The following ARHGAP40 variants were observed in gnomAD, a reference collection of about 807,000 sequenced individuals.
ARHGAP40 encodes the protein rho GTPase-activating protein 40.
Under a neutral mutation model 73.5 loss-of-function variants are expected in ARHGAP40, and 43 were observed. The observed-to-expected ratio is 0.58, with a 90% CI of 0.46 to 0.75. ARHGAP40 has a LOEUF of 0.75. ARHGAP40 is among the 30% of genes least tolerant of loss of function. The probability of loss-of-function intolerance (pLI) is 0.00; values close to 1 mark genes in which losing one functional copy is unlikely to be tolerated. For synonymous variants in ARHGAP40, 300 were observed against 352.8 expected (o/e 0.85, Z 1.68); for missense variants, 734 against 861.8 (o/e 0.85, Z 1.86).
intron 1 of ARHGAP40, among the ~76,000 whole-genome samples, chr20:38,605,365 A>G (rs897860469): frequency 6.6e-6 from 1 of 152,300 alleles, no homozygotes; most frequent in East Asian, 1.9e-4. Context: ...CTACCACATA[A>G]TACACTAAAT....
chr20:38,633,781 G>C (rs889806060), intron 5 of ARHGAP40, among the ~76,000 whole-genome samples: 1 of 152,202 alleles, frequency 6.6e-6, no homozygotes, highest in African/African-American at 2.4e-5. Context: ...GGAAAGCCTG[G>C]AGCTGCCTGC....
intron 1 of ARHGAP40, among the ~76,000 whole-genome samples, chr20:38,621,515 T>C (rs2088873497): frequency 6.6e-6 from 1 of 152,162 alleles, no homozygotes; most frequent in African/African-American, 2.4e-5. Context: ...GTGGAGGACT[T>C]GAGTTCTGTG....
intron 1 of ARHGAP40, among the ~76,000 whole-genome samples, chr20:38,602,965 A>G (rs2088744375): frequency 6.6e-6 from 1 of 152,384 alleles, no homozygotes; most frequent in South Asian, 2.1e-4. Flanking sequence ...GCAATACAGC[A>G]ATGAACATCT....
rs2088759195 is a variant in ARHGAP40 at position 38,604,435 on chromosome 20, G to A, written c.137+2356G>A. Among the ~76,000 whole-genome samples, 3 of 136,298 alleles carry A rather than the reference G, an allele frequency of 2.2e-5. No homozygotes were observed. In the Admixed American group the frequency reaches 2.3e-4, roughly 10 times the overall value. 89.4% of individuals were successfully genotyped at this position (136,298 alleles called of 152,430 possible). A position where few individuals can be genotyped will look rare whatever the true frequency, so the allele number is the denominator to read the frequency against. ...TTTTGAGATGGAGTCTCACTCCGTTGCCCAGGCTGGAGTACAATGGCACGA... is the reference window on the plus strand; with the variant it reads ...TTTTGAGATGGAGTCTCACTCCGTTACCCAGGCTGGAGTACAATGGCACGA... On this transcript the variant is annotated intron_variant, in intron 1 of 14. Coordinates refer to ENST00000373345, the Ensembl canonical transcript of ARHGAP40.
chr20:38,646,900 G>A lies in ARHGAP40; in HGVS notation c.1711-57G>A, dbSNP rs2089057123. On this transcript the variant is annotated intron_variant, in intron 12 of 14. Transcript: ENST00000373345. The surrounding 1 kb of genome is among the most constrained non-coding windows in gnomAD (Gnocchi z 4.5). ...TATGCGTGTTTATGCATCCACGTTG[G>A]AACTCCAGGCAAGCTGACTCTTATG... is the stretch of plus-strand genomic sequence containing the variant. 7 of 1,261,938 alleles carry A rather than the reference G, an allele frequency of 5.5e-6. No homozygotes were observed. Among genetic ancestry groups the A allele is most frequent in the Non-Finnish European group, 7.3e-6 (7 of 965,060 alleles). 78.2% of individuals were successfully genotyped at this position (1,261,938 alleles called of 1,614,324 possible). A position where few individuals can be genotyped will look rare whatever the true frequency, so the allele number is the denominator to read the frequency against.
chr20:38,616,176 C>T (rs2088836770), intron 1 of ARHGAP40, among the ~76,000 whole-genome samples: 1 of 152,212 alleles, frequency 6.6e-6, no homozygotes, highest in South Asian at 2.1e-4. Flanking sequence ...AGCTCTCTCA[C>T]CCACCTCTCT....
chr20:38,646,673 A>G lies in ARHGAP40; in HGVS notation c.1711-284A>G, dbSNP rs1285016950. On this transcript the variant is annotated intron_variant, in intron 12 of 14. Coordinates refer to ENST00000373345, the Ensembl canonical transcript of ARHGAP40. The surrounding 1 kb of genome is among the most constrained non-coding windows in gnomAD (Gnocchi z 4.5). Reference sequence around the variant, plus strand: ...GGGTGATGGGTCTTTATACAAACCTACATGTCTGTGTTTGTGGGTGCGTTG... The same window carrying G: ...GGGTGATGGGTCTTTATACAAACCTGCATGTCTGTGTTTGTGGGTGCGTTG... 6.6e-6 allele frequency among the ~76,000 whole-genome samples: 1 copy of G among 152,182 alleles called. No homozygotes were observed. The highest frequency in any genetic ancestry group is 1.5e-5 in the Non-Finnish European group (1 of 68,040).
At position 38,646,744 on chromosome 20, in the gene ARHGAP40, A is replaced by C. The variant is rs1187521318; in HGVS notation, c.1711-213A>C. ...ACAAGTGCACCGACACAGGCATAGA[A>C]ACACAAACATAGGCATAGAAACACA... On this transcript the variant is annotated intron_variant, in intron 12 of 14. Transcript: ENST00000373345. This position sits in a 1 kb window ranked among gnomAD's most constrained non-coding sequence, Gnocchi z 4.5. 6.6e-6 allele frequency among the ~76,000 whole-genome samples: 1 copy of C among 152,144 alleles called. No individual in the cohort carries two copies. The highest frequency in any genetic ancestry group is 1.5e-5 in the Non-Finnish European group (1 of 68,022).
Position 38,615,073 on chromosome 20 carries a change from C to T in ARHGAP40, c.138-8286C>T, listed in dbSNP as rs220548. ...GCCTCCTGTTGCCTCACAAAGCTGTCAGCAGACACTCGGAGTTTGGCTATA... is the reference window on the plus strand; with the variant it reads ...GCCTCCTGTTGCCTCACAAAGCTGTTAGCAGACACTCGGAGTTTGGCTATA... On this transcript the variant is annotated intron_variant, in intron 1 of 14. Coordinates refer to ENST00000373345, the Ensembl canonical transcript of ARHGAP40. The T allele has an allele frequency of 0.014, 12,699 of 924,512 alleles. 1,013 individuals carry two copies. The African/African-American group carries it at 0.18, about 13-fold the overall frequency. 57.3% of individuals were successfully genotyped at this position (924,512 alleles called of 1,614,324 possible).
intron 2 of ARHGAP40, among the ~76,000 whole-genome samples, chr20:38,625,184 G>T (rs1601140308): frequency 6.6e-6 from 1 of 152,228 alleles, no homozygotes; most frequent in African/African-American, 2.4e-5. Context: ...TACACTAGAA[G>T]TGGTTTCAGG....
chr20:38,615,273 T>G, intron 1 of ARHGAP40: 1 of 769,574 alleles, frequency 1.3e-6, no homozygotes, highest in Non-Finnish European at 2.4e-6. Flanking sequence ...AACTTTTCTA[T>G]GTTCATCCAC....
At chr20:38,627,633 G>GGGGTGTGTGTGGGGGTGTGTT (rs2088910111) in intron 3 of ARHGAP40, among the ~76,000 whole-genome samples, 1 of 139,494 alleles carries the variant, frequency 7.2e-6, no homozygotes, top group Admixed American at 7.2e-5. Flanking sequence ...GTGTGTGTTG[G>GGGGTGTGTGTGGGGGTGTGTT]GGTGTGTGTG....
chr20:38,644,696 C>T (rs897927257), intron 11 of ARHGAP40, among the ~76,000 whole-genome samples: 7 of 148,842 alleles, frequency 4.7e-5, no homozygotes, highest in African/African-American at 1.8e-4. Context: ...TCCAACTCCC[C>T]CATCCACCCA....
chr20:38,623,665 T>C, intron 2 of ARHGAP40, 107 bp downstream of exon 2: 1 of 942,700 alleles, frequency 1.1e-6, no homozygotes, highest in Non-Finnish European at 1.4e-6. Flanking sequence ...GCATTTTCTC[T>C]GTTGCCTGGA....
At chr20:38,627,882 G>C (rs2145604725) in intron 3 of ARHGAP40, among the ~76,000 whole-genome samples, 1 of 152,296 alleles carries the variant, frequency 6.6e-6, no homozygotes, top group Middle Eastern at 3.4e-3. Flanking sequence ...TTGATGCAGG[G>C]CAGGCAAGCC....
chr20:38,618,868 C>T (rs916543037), intron 1 of ARHGAP40, among the ~76,000 whole-genome samples: 1 of 152,180 alleles, frequency 6.6e-6, no homozygotes, highest in Non-Finnish European at 1.5e-5. Context: ...GAAGCTGTCA[C>T]AGCCTGACAG....
At chr20:38,629,710 C>G (rs1248314748) in intron 5 of ARHGAP40, 60 bp downstream of exon 5, 1 of 1,282,498 alleles carries the variant, frequency 7.8e-7, no homozygotes, top group Non-Finnish European at 1.0e-6. Context: ...GCACCAGCAC[C>G]CATCTCTTCA....
chr20:38,650,292 TA>T (rs1469285158), exon 15 of ARHGAP40: 3 of 467,560 alleles, frequency 6.4e-6, no homozygotes, highest in Non-Finnish European at 1.3e-5. Flanking sequence ...GGAGGAAAAT[TA>T]AAAATGCAGT....
chr20:38,620,064 A>G (rs1002299310), intron 1 of ARHGAP40, among the ~76,000 whole-genome samples: 2 of 152,158 alleles, frequency 1.3e-5, no homozygotes, highest in African/African-American at 2.4e-5. Context: ...ACCCTTTCCA[A>G]ATAAAAAGAA....
Sources: gnomAD v4.1 joint callset for allele counts (sites outside exome capture counted in the v4.1 genomes callset) on GRCh38, gnomAD v4.1.1 for gene constraint, Gnocchi (gnomAD v3.1) non-coding constraint, MANE v1.5 for transcripts, NCBI Gene and HGNC (gene_info 2026-07-23, HGNC 2026-07-21) for gene names.